The following TTC8 variants were observed in gnomAD, a reference collection of about 807,000 sequenced individuals.
TTC8 encodes the protein tetratricopeptide repeat protein 8.
A neutral mutation model predicts 72.5 loss-of-function variants in TTC8; 47 were observed. The ratio of observed to expected loss-of-function variants is 0.65; its 90% CI spans 0.51 to 0.83. The LOEUF (loss-of-function observed/expected upper bound fraction) is 0.83. Ranked by LOEUF, TTC8 falls within the 40% of genes least tolerant of loss-of-function variation. The probability of loss-of-function intolerance (pLI) is 0.00; values close to 1 mark genes in which losing one functional copy is unlikely to be tolerated. For missense variants in TTC8, 611 were observed against 623.2 expected (o/e 0.98, Z 0.21); for synonymous variants, 199 against 221.4 (o/e 0.90, Z 0.90).
At chr14:88,836,631 C>T (rs1314497961) in intron 2 of TTC8, among the ~76,000 whole-genome samples, 3 of 151,886 alleles carry the variant, frequency 2.0e-5, no homozygotes, top group South Asian at 4.2e-4. Flanking sequence ...ATATTTAAGA[C>T]GTCAGTTGGG....
At chr14:88,832,500 G>A (rs1376238803) in intron 1 of TTC8, among the ~76,000 whole-genome samples, 1 of 151,880 alleles carries the variant, frequency 6.6e-6, no homozygotes, top group Non-Finnish European at 1.5e-5. Flanking sequence ...ATCTCCAAGA[G>A]GCACTGGCAA....
intron 3 of TTC8, 85 bp downstream of exon 3, chr14:88,839,657 A>G (rs1566836085): frequency 1.4e-6 from 2 of 1,446,298 alleles, no homozygotes; most frequent in South Asian, 2.4e-5. Context: ...ATGCCTATAT[A>G]TTTCTACACT....
intron 1 of TTC8, among the ~76,000 whole-genome samples, chr14:88,828,830 C>T (rs1054713172): frequency 2.6e-5 from 4 of 152,124 alleles, no homozygotes; most frequent in Non-Finnish European, 4.4e-5. Context: ...GCATTTATTT[C>T]GCCTTTAAGG....
chr14:88,857,011 T>A (rs2094859337), intron 8 of TTC8, among the ~76,000 whole-genome samples, 179 bp from the exon 9 acceptor site: 1 of 152,214 alleles, frequency 6.6e-6, no homozygotes, highest in South Asian at 2.1e-4. Context: ...CCAGTGAATA[T>A]GGGAGATAGG....
At chr14:88,831,061 C>T (rs2094723487) in intron 1 of TTC8, 1 of 359,394 alleles carries the variant, frequency 2.8e-6, no homozygotes, top group South Asian at 2.1e-5. Flanking sequence ...GACTTGTTTT[C>T]TGGTCACAAC....
Position 88,871,190 on chromosome 14 carries a change from A to T in TTC8, c.1050-359A>T, listed in dbSNP as rs2094932306. Among the ~76,000 whole-genome samples, 2 of 152,212 alleles carry T rather than the reference A, an allele frequency of 1.3e-5. No homozygotes were observed. Among genetic ancestry groups the T allele is most frequent in the Non-Finnish European group, 2.9e-5 (2 of 68,044 alleles). ...CTAAACGCAGTCCTCAAATTAGATT[A>T]GGTTTTAGGAATTTACCCTATGGGC... is the stretch of plus-strand genomic sequence containing the variant. On this transcript the variant is annotated intron_variant, in intron 11 of 14. Transcript: ENST00000380656. This position sits in a 1 kb window ranked among gnomAD's most constrained non-coding sequence, Gnocchi z 4.1.
At chr14:88,827,075 G>A (rs2094704836) in intron 1 of TTC8, among the ~76,000 whole-genome samples, 1 of 151,542 alleles carries the variant, frequency 6.6e-6, no homozygotes, top group South Asian at 2.1e-4. Flanking sequence ...CTGTTATCCT[G>A]GGAAGATGTT....
rs758294605 is a variant in TTC8 at position 88,840,897 on chromosome 14, A to G, written c.298A>G (p.Asn100Asp). Reference protein sequence around the residue: ...PGTSLKLPGTNQTGGPSQAVR... With the variant: ...PGTSLKLPGTDQTGGPSQAVR... ...AACGTCTTTGAAACTCCCTGGAACT[A>G]ATCAGACAGGAGGGCCTAGCCAGGC... The change falls in exon 4 of 15, where the codon AAT (asparagine) becomes GAT (aspartate). Residue 100 changes from asparagine to aspartate, a missense_variant. Asn to Asp is a conservative substitution (Grantham distance 23, BLOSUM62 1). Coordinates refer to ENST00000380656, the MANE Select transcript of TTC8 (RefSeq NM_144596.4). The G allele has an allele frequency of 8.1e-6, 13 of 1,614,140 alleles. No individual in the cohort carries two copies. Among genetic ancestry groups the G allele is most frequent in the Non-Finnish European group, 1.1e-5 (13 of 1,180,006 alleles).
chr14:88,848,506 C>A (rs2094819051), intron 7 of TTC8, among the ~76,000 whole-genome samples: 2 of 152,036 alleles, frequency 1.3e-5, no homozygotes. Flanking sequence ...GCTGTATTTG[C>A]AATGGTGTTC....
chr14:88,843,051 G>C (rs2094789359), intron 6 of TTC8, among the ~76,000 whole-genome samples: 1 of 152,050 alleles, frequency 6.6e-6, no homozygotes, highest in South Asian at 2.1e-4. Context: ...AGGGCTGTTA[G>C]CCTCTTTGCA....
intron 10 of TTC8, among the ~76,000 whole-genome samples, chr14:88,867,693 C>G (rs1019697428): frequency 6.6e-6 from 1 of 152,130 alleles, no homozygotes; most frequent in African/African-American, 2.4e-5. Context: ...GTGTTTCAGT[C>G]TAAAATTCCT....
intron 1 of TTC8, among the ~76,000 whole-genome samples, chr14:88,825,319 A>T (rs1025757833): frequency 2.6e-5 from 4 of 152,194 alleles, no homozygotes; most frequent in Non-Finnish European, 5.9e-5. Context: ...GGAGGCCATG[A>T]GTTTAGCTTG....
At chr14:88,839,669 TATATATATAAACA>T in intron 3 of TTC8, 97 bp downstream of exon 3, 1 of 1,346,680 alleles carries the variant, frequency 7.4e-7, no homozygotes, top group Non-Finnish European at 1.0e-6. Flanking sequence ...TTCTACACTT[TATATATATAAACA>T]TTATAGACAT....
At position 88,861,326 on chromosome 14, in the gene TTC8, C is replaced by G; in HGVS notation, c.903C>G (p.Ile301Met). ...CCCTGCTCTGTGGAATTGCAAGAATCTATGAGGTAATTCATGTTATTATTA... is the reference window on the plus strand; with the variant it reads ...CCCTGCTCTGTGGAATTGCAAGAATGTATGAGGTAATTCATGTTATTATTA... ...EVTLLCGIAR[I>M]YEEMNNMSSA... The change falls in exon 10 of 15, where the codon ATC (isoleucine) becomes ATG (methionine). Residue 301 changes from isoleucine (I) to methionine (M), a missense_variant. By Grantham distance (10) the Ile-to-Met change is conservative. Transcript: ENST00000380656. 1.3e-6 allele frequency: 2 copies of G among 1,595,266 alleles called. No homozygotes were observed. Among genetic ancestry groups the G allele is most frequent in the East Asian group, 4.5e-5 (2 of 44,552 alleles).
chr14:88,857,135 G>T, intron 8 of TTC8, 55 bp from the exon 9 acceptor site: 1 of 1,454,348 alleles, frequency 6.9e-7, no homozygotes, highest in South Asian at 1.1e-5. Context: ...CTCAGGGTAT[G>T]ATGTAGTGTT....
At chr14:88,869,947 G>A (rs1791724497) in intron 10 of TTC8, 112 bp from the exon 11 acceptor site, 1 of 1,092,838 alleles carries the variant, frequency 9.2e-7, no homozygotes, top group African/African-American at 1.6e-5. Context: ...TCTGGCACAT[G>A]GTAGCCTCTC....
intron 7 of TTC8, chr14:88,846,580 A>G (rs2094807590): frequency 7.5e-7 from 1 of 1,334,402 alleles, no homozygotes; most frequent in African/African-American, 1.5e-5. Flanking sequence ...TCATGGTGAC[A>G]ATGTTTTTTA....
intron 10 of TTC8, among the ~76,000 whole-genome samples, chr14:88,867,484 C>G (rs1238676052): frequency 6.6e-6 from 1 of 152,084 alleles, no homozygotes; most frequent in Non-Finnish European, 1.5e-5. Context: ...CATATGTATG[C>G]TTATGTATGA....
At position 88,872,406 on chromosome 14, in the gene TTC8, A is replaced by T; in HGVS notation, c.1301A>T (p.Tyr434Phe). Reference protein sequence around the residue: ...LVNNNNHAEAYNNLAVLEMRK... With the variant: ...LVNNNNHAEAFNNLAVLEMRK... ...AACAACAACAACCACGCCGAGGCCT[A>T]CAACAACCTGGCTGTGCTGGAGATG... Residue 434 changes from tyrosine to phenylalanine, a missense_variant, in exon 13 of 15, where the codon TAC (tyrosine) becomes TTC (phenylalanine). Tyr to Phe is a conservative substitution (Grantham distance 22). Coordinates refer to ENST00000380656, the MANE Select transcript of TTC8 (RefSeq NM_144596.4). 1 of 1,614,078 alleles carries T rather than the reference A, an allele frequency of 6.2e-7. No individual in the cohort carries two copies. The highest frequency in any genetic ancestry group is 8.5e-7 in the Non-Finnish European group (1 of 1,179,942).
Sources: gnomAD v4.1 joint callset for allele counts (sites outside exome capture counted in the v4.1 genomes callset) on GRCh38, gnomAD v4.1.1 for gene constraint, Gnocchi (gnomAD v3.1) non-coding constraint, MANE v1.5 for transcripts, NCBI Gene and HGNC (gene_info 2026-07-23, HGNC 2026-07-21) for gene names.